MAGI2: variants seen among roughly 807,000 people sequenced by gnomAD.
The protein encoded by MAGI2 is membrane associated guanylate kinase, WW and PDZ domain containing 2.
In MAGI2, 35 loss-of-function variants were observed where a neutral mutation model predicts 133.3. That is an observed-to-expected ratio of 0.26 (90% CI 0.20 to 0.35). MAGI2 has a LOEUF of 0.35. Among genes scored for constraint, MAGI2 ranks in the 10% least tolerant of loss-of-function variants. The probability of loss-of-function intolerance (pLI) is 1.00; values close to 1 mark genes in which losing one functional copy is unlikely to be tolerated. For missense variants in MAGI2, 1,636 were observed against 1,863.4 expected (o/e 0.88, Z 2.25); for synonymous variants, 729 against 710.6 (o/e 1.03, Z -0.41).
chr7:79,017,791 C>T (rs1233401767), intron 1 of MAGI2, among the ~76,000 whole-genome samples: 3 of 152,024 alleles, frequency 2.0e-5, no homozygotes, highest in Admixed American at 2.0e-4. Context: ...AATGCAATCA[C>T]AAGTATTAAC....
Position 78,135,993 on chromosome 7 carries a change from T to C in MAGI2, c.2846-787A>G, listed in dbSNP as rs184047605. 9.2e-5 allele frequency among the ~76,000 whole-genome samples: 14 copies of C among 152,326 alleles called. 1 individual carries two copies. The East Asian group carries it at 2.7e-3, about 29-fold the overall frequency. On this transcript the variant is annotated intron_variant, in intron 16 of 21. Transcript: ENST00000354212. Reference sequence around the variant, plus strand: ...ATAAAAAGAAACACTGCTAACTAAATAATGATGCTCCATTGATTATAAGAT... The same window carrying C: ...ATAAAAAGAAACACTGCTAACTAAACAATGATGCTCCATTGATTATAAGAT...
At chr7:78,221,207 A>G (rs945575089) in intron 10 of MAGI2, among the ~76,000 whole-genome samples, 1 of 152,040 alleles carries the variant, frequency 6.6e-6, no homozygotes, top group Non-Finnish European at 1.5e-5. Flanking sequence ...TCAACAGTCT[A>G]TTTTTCCTTT....
At chr7:78,748,858 G>C (rs1823184431) in intron 2 of MAGI2, among the ~76,000 whole-genome samples, 1 of 151,968 alleles carries the variant, frequency 6.6e-6, no homozygotes, top group South Asian at 2.1e-4. Context: ...CTTTTCACAT[G>C]GGTTTTGCAT....
At chr7:79,310,615 A>C (rs1345780867) in intron 1 of MAGI2, among the ~76,000 whole-genome samples, 1 of 152,126 alleles carries the variant, frequency 6.6e-6, no homozygotes, top group Non-Finnish European at 1.5e-5. Context: ...GATGGGAAGG[A>C]AGTCATTAGC....
chr7:78,489,128 A>G lies in MAGI2; in HGVS notation c.1045+633T>C, dbSNP rs1793352232. 2.0e-5 allele frequency among the ~76,000 whole-genome samples: 3 copies of G among 152,106 alleles called. No homozygotes were observed. The South Asian group carries it at 6.2e-4, about 31-fold the overall frequency. ...ATCATCAGTAACAGACTTCACCCAC[A>G]TAATTTATGAATTTAAAAACAAGGT... On this transcript the variant is annotated intron_variant, in intron 6 of 21. Transcript: ENST00000354212.
At chr7:78,770,076 C>A (rs2151317950) in intron 2 of MAGI2, among the ~76,000 whole-genome samples, 2 of 152,270 alleles carry the variant, frequency 1.3e-5, no homozygotes, top group East Asian at 1.9e-4. Context: ...CATACAAGCC[C>A]CTTGCTATCA....
chr7:79,261,433 C>T (rs1289948175), intron 1 of MAGI2, among the ~76,000 whole-genome samples: 1 of 152,184 alleles, frequency 6.6e-6, no homozygotes, highest in Non-Finnish European at 1.5e-5. Flanking sequence ...TTGGTCAAAG[C>T]AAATCACATA....
At chr7:78,260,809 A>G (rs1050130020) in intron 9 of MAGI2, among the ~76,000 whole-genome samples, 4 of 152,140 alleles carry the variant, frequency 2.6e-5, no homozygotes, top group African/African-American at 9.7e-5. Context: ...CAAGTGAGGT[A>G]GAGTGAGTTT....
chr7:78,093,101 A>C (rs1297814675), intron 20 of MAGI2, among the ~76,000 whole-genome samples: 3 of 131,230 alleles, frequency 2.3e-5, no homozygotes, highest in Non-Finnish European at 3.1e-5. Flanking sequence ...GAGCCACTGC[A>C]CTCCAGCCTG....
intron 2 of MAGI2, among the ~76,000 whole-genome samples, chr7:78,867,095 C>A (rs1170194159): frequency 6.7e-6 from 1 of 149,588 alleles, no homozygotes. Flanking sequence ...GTTGGTGGGA[C>A]TGTAAACTAG....
At chr7:78,115,918 A>C (rs1819822761) in intron 20 of MAGI2, among the ~76,000 whole-genome samples, 1 of 152,256 alleles carries the variant, frequency 6.6e-6, no homozygotes, top group Non-Finnish European at 1.5e-5. Flanking sequence ...CAAATAGATA[A>C]AAATTAGTAA....
chr7:78,891,422 C>G (rs1335165517), intron 2 of MAGI2, among the ~76,000 whole-genome samples: 5 of 152,142 alleles, frequency 3.3e-5, no homozygotes, highest in Non-Finnish European at 2.9e-5. Context: ...AGAGACACAA[C>G]AGAAAAAGAG....
intron 6 of MAGI2, among the ~76,000 whole-genome samples, chr7:78,429,361 G>T (rs1206661951): frequency 6.6e-6 from 1 of 151,106 alleles, no homozygotes; most frequent in African/African-American, 2.4e-5. Flanking sequence ...TTGTGAGATG[G>T]CCTCCTGGGG....
chr7:78,091,473 GT>G (rs1440987369), intron 20 of MAGI2, among the ~76,000 whole-genome samples: 1 of 152,170 alleles, frequency 6.6e-6, no homozygotes, highest in African/African-American at 2.4e-5. Context: ...CAGGTATTCT[GT>G]TATGGTAGCA....
At chr7:78,673,706 G>A (rs931773048) in intron 2 of MAGI2, among the ~76,000 whole-genome samples, 1 of 152,038 alleles carries the variant, frequency 6.6e-6, no homozygotes, top group Non-Finnish European at 1.5e-5. Context: ...CGGCGGGGAG[G>A]GGGGCAGGCG....
chr7:78,387,350 A>C (rs1795480204), intron 6 of MAGI2, among the ~76,000 whole-genome samples: 1 of 152,186 alleles, frequency 6.6e-6, no homozygotes, highest in Non-Finnish European at 1.5e-5. Context: ...AGACCAGGAA[A>C]GATAGCAAAC....
At chr7:78,712,329 G>A (rs1002563201) in intron 2 of MAGI2, among the ~76,000 whole-genome samples, 19 of 152,276 alleles carry the variant, frequency 1.2e-4, no homozygotes, top group African/African-American at 4.6e-4. Flanking sequence ...AGCCACAGCA[G>A]GGTGTCTTCA....
intron 10 of MAGI2, among the ~76,000 whole-genome samples, chr7:78,235,130 CTGAT>C (rs1369312492): frequency 6.6e-6 from 1 of 152,142 alleles, no homozygotes; most frequent in Non-Finnish European, 1.5e-5. Flanking sequence ...TTTGAATAAA[CTGAT>C]TGAACATATT....
chr7:79,248,603 A>C (rs1270770237), intron 1 of MAGI2, among the ~76,000 whole-genome samples: 1 of 152,190 alleles, frequency 6.6e-6, no homozygotes, highest in African/African-American at 2.4e-5. Context: ...TCTCAAAGAC[A>C]AATCATAAGT....
Sources: gnomAD v4.1 joint callset for allele counts (sites outside exome capture counted in the v4.1 genomes callset) on GRCh38, gnomAD v4.1.1 for gene constraint, MANE v1.5 for transcripts, NCBI Gene and HGNC (gene_info 2026-07-23, HGNC 2026-07-21) for gene names.